DMD: variants seen among roughly 807,000 people sequenced by gnomAD.
The protein encoded by DMD is dystrophin, also known as mutant dystrophin.
In DMD, 63 loss-of-function variants were observed where a neutral mutation model predicts 330.1. The observed-to-expected ratio is 0.19, with a 90% CI of 0.16 to 0.24. The LOEUF is 0.24. Among genes scored for constraint, DMD ranks in the 10% least tolerant of loss-of-function variants. The pLI is 1.00. For missense variants in DMD, 3,344 were observed against 2,684.1 expected, an observed-to-expected ratio of 1.25 and a Z score of -5.43; for synonymous variants, 1,223 against 959.8, an observed-to-expected ratio of 1.27 and a Z score of -5.07.
chrX:32,669,430 A>C (rs777878963), intron 9 of DMD, among the ~76,000 whole-genome samples: 1 of 111,769 alleles, frequency 8.9e-6, no homozygotes, highest in Non-Finnish European at 1.9e-5. Context: ...GTACCTAACT[A>C]TGTCTCCCAC....
chrX:32,443,304 G>T (rs1029745468), intron 27 of DMD, among the ~76,000 whole-genome samples: 1 of 110,926 alleles, frequency 9.0e-6, no homozygotes, highest in African/African-American at 3.3e-5. Context: ...AAAAGTATCA[G>T]TCTCACCTGC....
chrX:31,823,363 G>A (rs1291569624), intron 49 of DMD, among the ~76,000 whole-genome samples: 1 of 111,937 alleles, frequency 8.9e-6, no homozygotes, highest in African/African-American at 3.3e-5. Context: ...TTTATATCCA[G>A]TCTAGTGCTT....
At position 32,682,969 on chromosome X, in the gene DMD, C is replaced by T. The variant is rs1487774187; in HGVS notation, c.960+14901G>A. Among the ~76,000 whole-genome samples, 4 of 111,426 alleles carry T rather than the reference C, an allele frequency of 3.6e-5. No homozygotes were observed. The East Asian group carries it at 8.4e-4, about 23-fold the overall frequency. ...CCAAATGACCACAATGAATAGCGTT[C>T]CCTTGCTGATTCACAGTGCACATTG... On this transcript the variant is annotated intron_variant, in intron 9 of 78. Transcript: ENST00000357033.
At chrX:32,715,902 T>C (rs995052802) in intron 7 of DMD, among the ~76,000 whole-genome samples, 1 of 111,778 alleles carries the variant, frequency 8.9e-6, no homozygotes, top group African/African-American at 3.3e-5. Flanking sequence ...TATTGCATGA[T>C]CTCACTTGTT....
chrX:32,749,656 T>C (rs778675692), intron 7 of DMD, among the ~76,000 whole-genome samples: 1 of 112,587 alleles, frequency 8.9e-6, no homozygotes, highest in South Asian at 3.6e-4. Context: ...TTGGACATTA[T>C]TTGAGGATCC....
intron 33 of DMD, among the ~76,000 whole-genome samples, chrX:32,383,600 A>C (rs2097939255): frequency 2.7e-5 from 3 of 110,796 alleles, no homozygotes; most frequent in African/African-American, 9.8e-5. Flanking sequence ...TTTACTTCAA[A>C]AATAAATGTT....
chrX:31,158,420 A>G (rs1239424119), intron 74 of DMD, among the ~76,000 whole-genome samples: 1 of 112,085 alleles, frequency 8.9e-6, no homozygotes, highest in African/African-American at 3.2e-5. Context: ...CAGAAAGTAG[A>G]TCAGGGATTG....
At chrX:31,219,239 G>T (rs2045726263) in intron 64 of DMD, among the ~76,000 whole-genome samples, 1 of 110,495 alleles carries the variant, frequency 9.1e-6, no homozygotes, top group African/African-American at 3.3e-5. Flanking sequence ...TCAATCTTTT[G>T]CCCAAATCCT....
intron 7 of DMD, among the ~76,000 whole-genome samples, chrX:32,743,977 A>G (rs1461189804): frequency 9.0e-6 from 1 of 111,161 alleles, no homozygotes; most frequent in East Asian, 2.8e-4. Context: ...ATATATAGAA[A>G]CTATGCTAGG....
chrX:32,103,101 G>T (rs781076107), intron 44 of DMD, among the ~76,000 whole-genome samples: 1 of 111,374 alleles, frequency 9.0e-6, no homozygotes, highest in Admixed American at 9.6e-5. Context: ...ATCATACGAG[G>T]TTTATCTTGT....
intron 63 of DMD, among the ~76,000 whole-genome samples, chrX:31,260,575 AG>A (rs1397519505): frequency 9.0e-6 from 1 of 111,560 alleles, no homozygotes; most frequent in Non-Finnish European, 1.9e-5. Context: ...GTTTGGCAAA[AG>A]GGTTGTCTTG....
chrX:31,341,149 T>C (rs2057705957), intron 61 of DMD, among the ~76,000 whole-genome samples: 1 of 112,243 alleles, frequency 8.9e-6, no homozygotes, highest in Admixed American at 9.5e-5. Flanking sequence ...ATAATGATAC[T>C]AATGCTAAAG....
At chrX:33,059,766 A>G (rs952401278) in intron 1 of DMD, among the ~76,000 whole-genome samples, 1 of 112,160 alleles carries the variant, frequency 8.9e-6, no homozygotes, top group Admixed American at 9.5e-5. Context: ...TAGAATAGAA[A>G]AAGTCTTACA....
intron 32 of DMD, among the ~76,000 whole-genome samples, chrX:32,388,355 T>TTTTTTTTTTTTTG (rs2097974977): frequency 9.6e-6 from 1 of 104,479 alleles, no homozygotes; most frequent in African/African-American, 3.6e-5. Context: ...TTTTTTTTTT[T>TTTTTTTTTTTTTG]GGCAAAATTT....
chrX:33,203,271 C>A (rs1034692471), intron 1 of DMD, among the ~76,000 whole-genome samples: 3 of 111,973 alleles, frequency 2.7e-5, no homozygotes, highest in African/African-American at 6.5e-5. Flanking sequence ...TATTACTCAA[C>A]AATTCTGACT....
chrX:31,960,369 C>T (rs780533763), intron 45 of DMD, among the ~76,000 whole-genome samples: 7 of 110,712 alleles, frequency 6.3e-5, no homozygotes, highest in African/African-American at 2.0e-4. Context: ...GGGAATTGGG[C>T]AGTTTATATG....
At chrX:32,810,119 T>TTTGC (rs1398555868) in intron 6 of DMD, among the ~76,000 whole-genome samples, 2 of 110,091 alleles carry the variant, frequency 1.8e-5, no homozygotes, top group Non-Finnish European at 3.8e-5. Flanking sequence ...TGAGACCCTG[T>TTTGC]ATCAAAAAAG....
chrX:32,641,211 T>G (rs979952601), intron 11 of DMD, among the ~76,000 whole-genome samples: 2 of 110,684 alleles, frequency 1.8e-5, no homozygotes, highest in Admixed American at 1.9e-4. Flanking sequence ...TTTAATCTCT[T>G]CAAAAACTAT....
chrX:32,482,422 G>A (rs993928816), intron 21 of DMD, among the ~76,000 whole-genome samples: 1 of 111,333 alleles, frequency 9.0e-6, no homozygotes, highest in Admixed American at 9.6e-5. Flanking sequence ...TTTGTGACTG[G>A]CTTCTTTCAC....
Sources: allele counts gnomAD v4.1 joint callset (sites outside exome capture counted in the v4.1 genomes callset), GRCh38; gene constraint gnomAD v4.1.1; transcripts MANE v1.5; gene names NCBI Gene and HGNC (gene_info 2026-07-23, HGNC 2026-07-21).